JAK2: variants seen among roughly 807,000 people sequenced by gnomAD.
JAK2 encodes the protein Janus kinase 2, also known as tyrosine-protein kinase JAK2.
Under a neutral mutation model 139.3 loss-of-function variants are expected in JAK2, and 86 were observed. The observed-to-expected ratio is 0.62, with a 90% confidence interval of 0.52 to 0.74. JAK2 has a LOEUF of 0.74. Among genes scored for constraint, JAK2 ranks in the 30% least tolerant of loss-of-function variants. The pLI, the probability that JAK2 is intolerant of heterozygous loss-of-function variation, is 0.00. For synonymous variants in JAK2, 490 were observed against 437.7 expected, an observed-to-expected ratio of 1.12 and a Z score of -1.49; for missense variants, 1,421 against 1,360.3, an observed-to-expected ratio of 1.04 and a Z score of -0.70.
At chr9:4,986,405 C>G (rs1819953370) in intron 2 of JAK2, among the ~76,000 whole-genome samples, 2 of 152,316 alleles carry the variant, frequency 1.3e-5, no homozygotes, top group African/African-American at 2.4e-5. Flanking sequence ...GTTTCTGCTA[C>G]CACATTGAAT....
At chr9:5,063,825 T>C (rs1818356786) in intron 8 of JAK2, among the ~76,000 whole-genome samples, 1 of 152,228 alleles carries the variant, frequency 6.6e-6, no homozygotes, top group African/African-American at 2.4e-5. Context: ...GTAAGTAACA[T>C]GCTGCATTTT....
At chr9:5,091,578 C>G (rs142990225) in intron 22 of JAK2, 1 of 151,836 alleles carries the variant, frequency 6.6e-6, no homozygotes, top group Non-Finnish European at 1.5e-5. Context: ...GTATTTTTGT[C>G]GCAATTGAAA....
At chr9:5,046,039 A>C (rs1305986891) in intron 5 of JAK2, among the ~76,000 whole-genome samples, 1 of 152,112 alleles carries the variant, frequency 6.6e-6, no homozygotes, top group Non-Finnish European at 1.5e-5. Context: ...CAACATCCTC[A>C]ACAATGCTTT....
At chr9:5,041,458 G>T in intron 4 of JAK2, 1 of 610,582 alleles carries the variant, frequency 1.6e-6, no homozygotes, top group Non-Finnish European at 3.1e-6. Context: ...TCCCCTGGCA[G>T]GGGCTCAAGG....
intron 19 of JAK2, chr9:5,085,307 C>T (rs1307161347): frequency 4.1e-6 from 3 of 738,096 alleles, no homozygotes; most frequent in Admixed American, 1.8e-5. Context: ...GAGGTGAAGT[C>T]GAATACATCA....
At chr9:5,067,823 A>T (rs1488115728) in intron 10 of JAK2, among the ~76,000 whole-genome samples, 1 of 152,168 alleles carries the variant, frequency 6.6e-6, no homozygotes, top group Non-Finnish European at 1.5e-5. Context: ...TATCTAGCAT[A>T]GGCAAATATA....
At chr9:5,122,894 A>T in intron 22 of JAK2, 110 bp from the exon 23 acceptor site, 1 of 656,690 alleles carries the variant, frequency 1.5e-6, no homozygotes, top group African/African-American at 1.9e-5. Context: ...TGCTGTGATA[A>T]CTCTTTTCTC....
At chr9:5,117,640 T>G (rs1823295682) in intron 22 of JAK2, among the ~76,000 whole-genome samples, 1 of 151,870 alleles carries the variant, frequency 6.6e-6, no homozygotes, top group East Asian at 1.9e-4. Flanking sequence ...ACATTACTTA[T>G]GTTAACAGGT....
chr9:5,086,848 C>T (rs757591149), intron 19 of JAK2, among the ~76,000 whole-genome samples: 1 of 152,140 alleles, frequency 6.6e-6, no homozygotes, highest in East Asian at 1.9e-4. Context: ...TAGAGAGCTT[C>T]TCATAGAGCA....
At chr9:5,053,251 T>C (rs1817547454) in intron 6 of JAK2, among the ~76,000 whole-genome samples, 1 of 152,090 alleles carries the variant, frequency 6.6e-6, no homozygotes, top group Non-Finnish European at 1.5e-5. Flanking sequence ...TTTCATGTAC[T>C]TTTTGGCCAT....
chr9:5,042,388 C>T (rs978067955), intron 4 of JAK2, among the ~76,000 whole-genome samples: 3 of 152,048 alleles, frequency 2.0e-5, no homozygotes, highest in South Asian at 2.1e-4. Flanking sequence ...CCACCCGCCT[C>T]GGCCTCCCAA....
chr9:5,016,159 A>G (rs1024830763), intron 2 of JAK2, among the ~76,000 whole-genome samples: 1 of 152,198 alleles, frequency 6.6e-6, no homozygotes, highest in Non-Finnish European at 1.5e-5. Flanking sequence ...GCCTACTGCT[A>G]TAGTGTTGGA....
chr9:4,998,482 C>A (rs1336064720), intron 2 of JAK2, among the ~76,000 whole-genome samples: 2 of 152,120 alleles, frequency 1.3e-5, no homozygotes, highest in Non-Finnish European at 2.9e-5. Flanking sequence ...GTCTCGAACT[C>A]CTGACCTCGT....
Position 5,077,495 on chromosome 9 carries a change from C to A in JAK2, c.1907C>A (p.Thr636Lys), listed in dbSNP as rs1819381844. The change falls in exon 15 of 25, where the codon ACA becomes AAA. Residue 636 changes from threonine to lysine, a missense_variant. Thr to Lys is a moderately conservative substitution (Grantham distance 78, BLOSUM62 -1). Coordinates refer to ENST00000381652, the MANE Select transcript of JAK2 (RefSeq NM_004972.4). ...QEFVKFGSLD[T>K]YLKKNKNCIN... ...TTTGTAAAATTTGGATCACTAGATA[C>A]ATATCTGAAAAAGAATAAAAATTGT... 7.2e-7 allele frequency: 1 copy of A among 1,395,962 alleles called. No homozygotes were observed. Among genetic ancestry groups the A allele is most frequent in the Non-Finnish European group, 9.6e-7 (1 of 1,040,514 alleles). 86.5% of individuals were successfully genotyped at this position (1,395,962 alleles called of 1,614,324 possible). A position where few individuals can be genotyped will look rare whatever the true frequency, so the allele number is the denominator to read the frequency against.
In JAK2 at chr9:5,005,013, C is replaced by T. The variant is rs552336736; in HGVS notation, c.-25-16950C>T. On this transcript the variant is annotated intron_variant, in intron 2 of 24. Coordinates refer to ENST00000381652, the MANE Select transcript of JAK2 (RefSeq NM_004972.4). ...CTCACTGCAGCCTTGACCTCCCAAG[C>T]GCAAGTGATCCTCCTCCTTCAGCCT... is the stretch of plus-strand genomic sequence containing the variant. 9.6e-5 allele frequency among the ~76,000 whole-genome samples: 14 copies of T among 145,866 alleles called. No homozygotes were observed. In the South Asian group the frequency reaches 1.7e-3, roughly 18 times the overall value.
At chr9:5,040,913 C>T in intron 4 of JAK2, 1 of 322,750 alleles carries the variant, frequency 3.1e-6, no homozygotes, top group Non-Finnish European at 5.9e-6. Flanking sequence ...GCCACCCAGA[C>T]GCTGCCGGCA....
intron 12 of JAK2, among the ~76,000 whole-genome samples, chr9:5,071,702 C>A (rs1410506545): frequency 1.3e-5 from 2 of 152,082 alleles, no homozygotes; most frequent in Non-Finnish European, 2.9e-5. Flanking sequence ...CATATCTGAG[C>A]TCTATAAGGA....
intron 4 of JAK2, among the ~76,000 whole-genome samples, chr9:5,042,426 C>T (rs565025834): frequency 6.6e-5 from 10 of 152,098 alleles, no homozygotes; most frequent in African/African-American, 1.9e-4. Flanking sequence ...CGTGAGCCAC[C>T]GCGCCCGGCC....
intron 4 of JAK2, chr9:5,041,909 T>G (rs1586688424): frequency 2.5e-6 from 1 of 401,482 alleles, no homozygotes; most frequent in Non-Finnish European, 4.8e-6. Context: ...GAGATGGAGG[T>G]GGGCGATGAA....
Sources: gnomAD v4.1 joint callset for allele counts (sites outside exome capture counted in the v4.1 genomes callset) on GRCh38, gnomAD v4.1.1 for gene constraint, MANE v1.5 for transcripts, NCBI Gene and HGNC (gene_info 2026-07-23, HGNC 2026-07-21) for gene names.